Variants in FILIP1 observed in about 807,000 individuals in gnomAD.
The protein encoded by FILIP1 is filamin-A-interacting protein 1.
Under a neutral mutation model 102.1 loss-of-function variants are expected in FILIP1, and 61 were observed. That is an observed-to-expected ratio of 0.60 (90% CI 0.49 to 0.74). The LOEUF (loss-of-function observed/expected upper bound fraction) is 0.74, where lower values mean the gene tolerates loss of function less well. Ranked by LOEUF, FILIP1 falls within the 30% of genes least tolerant of loss-of-function variation. The pLI is 0.00. For synonymous variants in FILIP1, 491 were observed against 526.9 expected, an observed-to-expected ratio of 0.93 and a Z score of 0.93; for missense variants, 1,314 against 1,441.2, an observed-to-expected ratio of 0.91 and a Z score of 1.43.
chr6:75,492,503 A>T (rs1779991875), intron 1 of FILIP1, among the ~76,000 whole-genome samples: 1 of 152,146 alleles, frequency 6.6e-6, no homozygotes, highest in South Asian at 2.1e-4. Context: ...CCAGATGTCA[A>T]TACTAACTAT....
chr6:75,450,739 T>C (rs2998395), intron 1 of FILIP1, among the ~76,000 whole-genome samples: 7,140 of 151,254 alleles, frequency 0.047, 549 homozygotes, highest in African/African-American at 0.16. Context: ...GAAGATCACC[T>C]GAGGTTGGGA....
rs147359304 is a variant in FILIP1, at chr6:75,481,222, T to C, written c.-7+12192A>G. On this transcript the variant is annotated intron_variant, in intron 1 of 5. Coordinates refer to ENST00000237172, the MANE Select transcript of FILIP1 (RefSeq NM_015687.5). The stretch of plus-strand genomic sequence containing the variant: ...AAATTGCCATTGTTTTACCCGTAAC[T>C]CCTGTTAGAGAGCAGAGATAATATA... Among the ~76,000 whole-genome samples the C allele has an allele frequency of 3.4e-3, 513 of 152,264 alleles. 7 individuals carry two copies. Among genetic ancestry groups the C allele is most frequent in the African/African-American group, 0.012 (494 of 41,546 alleles).
At chr6:75,318,516 G>A (rs1486591191) in intron 4 of FILIP1, among the ~76,000 whole-genome samples, 2 of 151,986 alleles carry the variant, frequency 1.3e-5, no homozygotes, top group African/African-American at 4.8e-5. Flanking sequence ...GATTACAGGT[G>A]TGAGCCATCA....
At chr6:75,295,969 CAT>C in intron 6 of FILIP1, 1 of 1,421,916 alleles carries the variant, frequency 7.0e-7, no homozygotes, top group Non-Finnish European at 9.1e-7. Flanking sequence ...AGAAAAAAGA[CAT>C]GGCATTTTCA....
At chr6:75,382,874 A>G (rs1775950738) in intron 2 of FILIP1, among the ~76,000 whole-genome samples, 2 of 152,240 alleles carry the variant, frequency 1.3e-5, no homozygotes. Context: ...TAAATTAGCC[A>G]CAAGGTGAAA....
downstream of FILIP1, among the ~76,000 whole-genome samples, chr6:75,304,085 A>G (rs1772916625): frequency 2.0e-5 from 3 of 152,174 alleles, no homozygotes; most frequent in Admixed American, 2.0e-4. Context: ...ATATATAGAT[A>G]TATGGAAAAC....
intron 1 of FILIP1, among the ~76,000 whole-genome samples, chr6:75,463,667 A>C (rs1779087979): frequency 6.6e-6 from 1 of 152,242 alleles, no homozygotes; most frequent in African/African-American, 2.4e-5. Context: ...AGTCTTAACA[A>C]GAGAAAAATA....
chr6:75,431,350 ATCT>A (rs1327657706), intron 1 of FILIP1, among the ~76,000 whole-genome samples: 1 of 152,186 alleles, frequency 6.6e-6, no homozygotes, highest in Non-Finnish European at 1.5e-5. Context: ...ATTTAATACT[ATCT>A]TCTTATTTTG....
chr6:75,412,738 C>T (rs1777121967), intron 2 of FILIP1, among the ~76,000 whole-genome samples: 1 of 152,246 alleles, frequency 6.6e-6, no homozygotes, highest in African/African-American at 2.4e-5. Context: ...TCTGCATTTA[C>T]AAGGACATAT....
At chr6:75,306,207 G>T (rs16886453), downstream of FILIP1, among the ~76,000 whole-genome samples, 1,458 of 152,090 alleles carry the variant, frequency 9.6e-3, 25 homozygotes, top group Middle Eastern at 0.027. Flanking sequence ...GTTCTGCCAA[G>T]TTTTTTTTAG....
chr6:75,389,130 A>G (rs1033412583), intron 2 of FILIP1, among the ~76,000 whole-genome samples: 20 of 152,194 alleles, frequency 1.3e-4, no homozygotes, highest in African/African-American at 4.8e-4. Flanking sequence ...TGAGTTAATC[A>G]TGTGGTGTTT....
In FILIP1 at chr6:75,368,318, A is replaced by G. The variant is rs116105257; in HGVS notation, c.277-5401T>C. 7.1e-3 allele frequency among the ~76,000 whole-genome samples: 1,085 copies of G among 152,338 alleles called. 8 individuals are homozygous for G. Among genetic ancestry groups the G allele is most frequent in the Middle Eastern group, 0.02 (6 of 294 alleles). On this transcript the variant is annotated intron_variant, in intron 2 of 5. Coordinates refer to ENST00000237172, the MANE Select transcript of FILIP1 (RefSeq NM_015687.5). ...CACAGGTGAGTGTGCGATTCATCGT[A>G]TAAAGTCAATGGAGTGAGTCTGTGC... is the stretch of plus-strand genomic sequence containing the variant.
rs1186103118 is a variant in FILIP1 at position 75,309,977 on chromosome 6, C to A, written c.3436-1080G>T. 2.0e-5 allele frequency among the ~76,000 whole-genome samples: 3 copies of A among 152,232 alleles called. No individual in the cohort carries two copies. The South Asian group carries it at 6.2e-4, about 32-fold the overall frequency. On this transcript the variant is annotated intron_variant, in intron 5 of 5. Coordinates refer to ENST00000237172, the MANE Select transcript of FILIP1 (RefSeq NM_015687.5). ...AACAGTATGTTTTTCTCATGATCAT[C>A]ACCCTTTCAGTGGCTCCCTTTATCT...
intron 6 of FILIP1, among the ~76,000 whole-genome samples, chr6:75,297,924 A>G (rs1772727293): frequency 6.6e-6 from 1 of 152,256 alleles, no homozygotes; most frequent in South Asian, 2.1e-4. Context: ...AGAGCATCTC[A>G]AAAATCCCTT....
intron 1 of FILIP1, among the ~76,000 whole-genome samples, chr6:75,449,058 A>G (rs1040967662): frequency 6.6e-6 from 1 of 152,220 alleles, no homozygotes; most frequent in Non-Finnish European, 1.5e-5. Context: ...CGCAATTGCA[A>G]AAAAGATATG....
rs950991918 is a variant in FILIP1, at chr6:75,392,795, T to C, written c.276+21902A>G. On this transcript the variant is annotated intron_variant, in intron 2 of 5. Transcript: ENST00000237172. Reference sequence around the variant, plus strand: ...GGTCTTTCCCATGCTGTTCTCATGATAGTGAATGGGTCTCACGAGACTGAT... The same window carrying C: ...GGTCTTTCCCATGCTGTTCTCATGACAGTGAATGGGTCTCACGAGACTGAT... 9.2e-5 allele frequency among the ~76,000 whole-genome samples: 14 copies of C among 152,286 alleles called. No individual in the cohort carries two copies. The South Asian group carries it at 1.0e-3, about 11-fold the overall frequency.
At chr6:75,450,652 G>GA (rs201690421) in intron 1 of FILIP1, among the ~76,000 whole-genome samples, 26,836 of 91,132 alleles carry the variant, frequency 0.29, 2,681 homozygotes, top group South Asian at 0.38. Context: ...TCTTAAAAAA[G>GA]AAAAAAAAAA....
At chr6:75,419,731 A>G (rs970122375) in intron 1 of FILIP1, among the ~76,000 whole-genome samples, 2 of 152,308 alleles carry the variant, frequency 1.3e-5, no homozygotes, top group Middle Eastern at 3.4e-3. Flanking sequence ...GATGCAAAAG[A>G]CCAATTAAAT....
intron 1 of FILIP1, among the ~76,000 whole-genome samples, chr6:75,485,574 A>G (rs1306074791): frequency 5.9e-5 from 9 of 152,228 alleles, no homozygotes. Context: ...AAGAGAAAGC[A>G]AAGCATTATC....
Sources: allele counts gnomAD v4.1 joint callset (sites outside exome capture counted in the v4.1 genomes callset), GRCh38; gene constraint gnomAD v4.1.1; transcripts MANE v1.5; gene names NCBI Gene and HGNC (gene_info 2026-07-23, HGNC 2026-07-21).